Variants in CNN1 observed in about 807,000 individuals in gnomAD.
The protein encoded by CNN1 is calponin 1, also known as calponin-1.
CNN1 carries 21 observed loss-of-function variants against 35.3 expected under a neutral mutation model. The ratio of observed to expected loss-of-function variants is 0.60; its 90% CI spans 0.42 to 0.86. The LOEUF (loss-of-function observed/expected upper bound fraction) is 0.86, where lower values mean the gene tolerates loss of function less well. Among genes scored for constraint, CNN1 ranks in the 40% least tolerant of loss-of-function variants. The pLI, the probability that CNN1 is intolerant of heterozygous loss-of-function variation, is 0.00. For missense variants in CNN1, 314 were observed against 400.8 expected (o/e 0.78, Z 1.85); for synonymous variants, 164 against 161.8 (o/e 1.01, Z -0.10).
chr19:11,539,885 C>T (rs888121141), intron 1 of CNN1: 2 of 1,162,584 alleles, frequency 1.7e-6, no homozygotes, highest in Non-Finnish European at 2.1e-6. Flanking sequence ...CAGCGCCGGC[C>T]CCAGAGCCGC....
In CNN1 at chr19:11,543,399, C is replaced by A. The variant is rs1599605061; in HGVS notation, c.185+2202C>A. Among the ~76,000 whole-genome samples, 6 of 148,492 alleles carry A rather than the reference C, an allele frequency of 4.0e-5. No individual in the cohort carries two copies. The East Asian group carries it at 1.2e-3, about 30-fold the overall frequency. ...CAAGTTGATGGGTGCAGCAAACCAA[C>A]ATGGCACATGTATACCTATGTATCA... On this transcript the variant is annotated intron_variant, in intron 2 of 6. Coordinates refer to ENST00000252456, the MANE Select transcript of CNN1 (RefSeq NM_001299.6).
intron 1 of CNN1, 122 bp downstream of exon 1, chr19:11,539,112 G>A: frequency 9.2e-7 from 1 of 1,092,532 alleles, no homozygotes; most frequent in African/African-American, 1.6e-5. Flanking sequence ...GAGGGGAAAA[G>A]GGAGTGATAT....
At chr19:11,544,662 G>GTTT (rs745637541) in intron 2 of CNN1, among the ~76,000 whole-genome samples, 41 of 131,968 alleles carry the variant, frequency 3.1e-4, no homozygotes, top group Non-Finnish European at 3.4e-4. Flanking sequence ...AAGTTTTCGG[G>GTTT]TTTTTTTTTT....
At chr19:11,548,873 CAAAAT>C (rs1212588216) in intron 5 of CNN1, among the ~76,000 whole-genome samples, 3 of 151,756 alleles carry the variant, frequency 2.0e-5, no homozygotes, top group African/African-American at 7.3e-5. Context: ...TAGAATAGAA[CAAAAT>C]AAAATATAAA....
At chr19:11,546,119 G>A (rs1472484037) in intron 2 of CNN1, among the ~76,000 whole-genome samples, 2 of 152,126 alleles carry the variant, frequency 1.3e-5, no homozygotes, top group African/African-American at 4.8e-5. Context: ...CCAGAGACTC[G>A]GACACACCTT....
chr19:11,545,787 C>G (rs1972566486), intron 2 of CNN1, among the ~76,000 whole-genome samples: 4 of 144,920 alleles, frequency 2.8e-5, no homozygotes, highest in Admixed American at 2.7e-4. Flanking sequence ...ACAGTGAAAC[C>G]CCCTCTCTAC....
intron 2 of CNN1, among the ~76,000 whole-genome samples, chr19:11,544,627 C>CA (rs1486979754): frequency 1.3e-5 from 2 of 151,340 alleles, no homozygotes; most frequent in Non-Finnish European, 2.9e-5. Flanking sequence ...GCTGGAACTA[C>CA]AGGCACACAT....
rs771723134 is a variant in CNN1 at position 11,546,759 on chromosome 19, C to T, written c.252+18C>T. 6.2e-7 allele frequency: 1 copy of T among 1,614,220 alleles called. No individual in the cohort carries two copies. Among genetic ancestry groups the T allele is most frequent in the Non-Finnish European group, 8.5e-7 (1 of 1,180,030 alleles). On this transcript the variant is annotated intron_variant, in intron 3 of 6. Transcript: ENST00000252456. Reference sequence around the variant, plus strand: ...GGCACCAGGTGAGCCCAGACACAATCTCTTCCATCCTTGCCCGCAAGCCCC... The same window carrying T: ...GGCACCAGGTGAGCCCAGACACAATTTCTTCCATCCTTGCCCGCAAGCCCC...
At position 11,548,704 on chromosome 19, in the gene CNN1, G is replaced by A. The variant is rs937282661; in HGVS notation, c.502-619G>A. On this transcript the variant is annotated intron_variant, in intron 5 of 6. Coordinates refer to ENST00000252456, the MANE Select transcript of CNN1 (RefSeq NM_001299.6). Reference sequence around the variant, plus strand: ...AATACAAAAACTAGCCGGTGTGGTGGGGCACACCTGTAGTCCCAGCTACTC... The same window carrying A: ...AATACAAAAACTAGCCGGTGTGGTGAGGCACACCTGTAGTCCCAGCTACTC... Among the ~76,000 whole-genome samples the A allele has an allele frequency of 2.6e-5, 4 of 151,898 alleles. No individual in the cohort carries two copies. The South Asian group carries it at 6.2e-4, about 24-fold the overall frequency.
chr19:11,547,112 G>A (rs1972606408), intron 4 of CNN1, 143 bp downstream of exon 4: 2 of 1,263,712 alleles, frequency 1.6e-6, no homozygotes, highest in Admixed American at 4.1e-5. Context: ...CAGCGTCCAA[G>A]GGGGCCGGGC....
At chr19:11,544,485 A>C (rs1243823021) in intron 2 of CNN1, among the ~76,000 whole-genome samples, 1 of 151,846 alleles carries the variant, frequency 6.6e-6, no homozygotes, top group Non-Finnish European at 1.5e-5. Flanking sequence ...TCATTTATTT[A>C]TTTAGAGACA....
Position 11,549,822 on chromosome 19 carries a change from C to A in CNN1, c.*27C>A. On this transcript the variant is annotated 3_prime_UTR_variant, in exon 7 of 7. Coordinates refer to ENST00000252456, the MANE Select transcript of CNN1 (RefSeq NM_001299.6). This position sits in a 1 kb window ranked among gnomAD's most constrained non-coding sequence, Gnocchi z 5.2. Reference sequence around the variant, plus strand: ...GCCACAAGGCCTTCCCTGTTTTCCCCCCAAGGGAGGCTGCTGCTGCTCTTG... The same window carrying A: ...GCCACAAGGCCTTCCCTGTTTTCCCACCAAGGGAGGCTGCTGCTGCTCTTG... 6.3e-7 allele frequency: 1 copy of A among 1,576,870 alleles called. No homozygotes were observed. Among genetic ancestry groups the A allele is most frequent in the Non-Finnish European group, 8.6e-7 (1 of 1,156,616 alleles).
chr19:11,539,251 C>G (rs1366248304), intron 1 of CNN1: 19 of 1,245,538 alleles, frequency 1.5e-5, no homozygotes, highest in Non-Finnish European at 1.9e-5. Flanking sequence ...CCCACCTGAT[C>G]AGTCTTCTGT....
intron 2 of CNN1, among the ~76,000 whole-genome samples, chr19:11,541,560 A>G (rs185702472): frequency 1.3e-5 from 2 of 152,144 alleles, no homozygotes; most frequent in African/African-American, 4.8e-5. Context: ...GTGCAGCAAT[A>G]ATTAAAGGAG....
In CNN1 at chr19:11,549,454, C is replaced by A. The variant is rs376064780; in HGVS notation, c.633C>A (p.Asn211Lys). The A allele has an allele frequency of 3.8e-5, 62 of 1,613,896 alleles. No homozygotes were observed. The highest frequency in any genetic ancestry group is 2.3e-4 in the South Asian group (21 of 91,080). Residue 211 changes from asparagine (N) to lysine (K), a missense_variant, in exon 6 of 7, where the codon AAC becomes AAA. Physicochemically the swap from Asn to Lys is moderately conservative, Grantham distance 94. Transcript: ENST00000252456. The surrounding 1 kb of genome is among the most constrained non-coding windows in gnomAD (Gnocchi z 5.2). Reference sequence around the variant, plus strand: ...CCATCAGCCTGCAGATGGGCACCAACAAAGGAGCCAGCCAGGTGAGTGGGG... The same window carrying A: ...CCATCAGCCTGCAGATGGGCACCAAAAAAGGAGCCAGCCAGGTGAGTGGGG... ...QATISLQMGT[N>K]KGASQAGMTA...
At chr19:11,544,304 A>C (rs910467245) in intron 2 of CNN1, among the ~76,000 whole-genome samples, 1 of 151,910 alleles carries the variant, frequency 6.6e-6, no homozygotes, top group Non-Finnish European at 1.5e-5. Context: ...GGCTCAGGGG[A>C]CCTGAGGCAA....
intron 2 of CNN1, among the ~76,000 whole-genome samples, chr19:11,541,422 A>C (rs1240806450): frequency 2.6e-5 from 4 of 152,158 alleles, no homozygotes; most frequent in African/African-American, 9.7e-5. Flanking sequence ...ATGACTCTAG[A>C]ATCTTAACCA....
Position 11,550,257 on chromosome 19 carries a change from GTTTGTAATGAGAGCAC to G in CNN1, c.*466_*481del, listed in dbSNP as rs1236729637. On this transcript the variant is annotated 3_prime_UTR_variant, in exon 7 of 7. Transcript: ENST00000252456. ...CATACTATGTGGATGTGACAGTGGC[GTTTGTAATGAGAGCAC>G]TTTCTTTTTTTTCTATTTCACTGGA... 1.2e-5 allele frequency: 2 copies of G among 162,518 alleles called. No homozygotes were observed. The highest frequency in any genetic ancestry group is 4.8e-5 in the African/African-American group (2 of 41,756). The allele number at this position is 162,518 out of a possible 1,614,324, so 10.1% of individuals were successfully genotyped here. A position where few individuals can be genotyped will look rare whatever the true frequency, so the allele number is the denominator to read the frequency against.
intron 1 of CNN1, chr19:11,539,310 A>G (rs1972407272): frequency 7.1e-6 from 8 of 1,123,066 alleles, no homozygotes; most frequent in Non-Finnish European, 8.7e-6. Context: ...AGACTTGTTG[A>G]TTTTTCCATA....
Sources: gnomAD v4.1 joint callset for allele counts (sites outside exome capture counted in the v4.1 genomes callset) on GRCh38, gnomAD v4.1.1 for gene constraint, Gnocchi (gnomAD v3.1) non-coding constraint, MANE v1.5 for transcripts, NCBI Gene and HGNC (gene_info 2026-07-23, HGNC 2026-07-21) for gene names.